Variants in GIGYF1 observed in about 807,000 individuals in gnomAD.
GIGYF1 encodes the protein GRB10 interacting GYF protein 1.
GIGYF1 carries 84 observed loss-of-function variants against 147.1 expected under a neutral mutation model. That is an observed-to-expected ratio of 0.57 (90% CI 0.48 to 0.68). GIGYF1 has a LOEUF of 0.68. Ranked by LOEUF, GIGYF1 falls within the 30% of genes least tolerant of loss-of-function variation. The probability of loss-of-function intolerance (pLI) is 0.00; values close to 1 mark genes in which losing one functional copy is unlikely to be tolerated. For missense variants in GIGYF1, 1,485 were observed against 1,393.7 expected, an observed-to-expected ratio of 1.07 and a Z score of -1.04; for synonymous variants, 752 against 589.5, an observed-to-expected ratio of 1.28 and a Z score of -3.99.
At position 100,683,348 on chromosome 7, in the gene GIGYF1, GCTC is replaced by G. The variant is rs1243143060; in HGVS notation, c.2146_2148del (p.Glu716del). The G allele has an allele frequency of 6.2e-7, 1 of 1,613,634 alleles. No individual in the cohort carries two copies. The highest frequency in any genetic ancestry group is 1.3e-5 in the African/African-American group (1 of 74,950). On this transcript the variant is annotated inframe_deletion, in exon 21 of 27. Transcript: ENST00000678049. Reference sequence around the variant, plus strand: ...TCTTCCTCCTCCTGCCGCCGCTTCTGCTCCTCCTGCTGCTGCTGGCGGCGCTTC... The same window carrying G: ...TCTTCCTCCTCCTGCCGCCGCTTCTGCTCCTGCTGCTGCTGGCGGCGCTTC...
rs151019762 is a variant in GIGYF1, at chr7:100,688,088, C to T, written c.58G>A (p.Gly20Ser). Residue 20 changes from glycine (G) to serine (S), a missense_variant, in exon 5 of 27, where the codon GGC becomes AGC. Physicochemically the swap from Gly to Ser is moderately conservative, Grantham distance 56. Coordinates refer to ENST00000678049, the MANE Select transcript of GIGYF1 (RefSeq NM_001375765.1). Reference protein sequence around the residue: ...PEWLRALSGGGSVASPPPSPA... With the variant: ...PEWLRALSGGSSVASPPPSPA... ...GACGGGGGTGGGGAGGCCACGCTGCCGCCCCCGGACAGGGCCCTGAGCCTG... is the reference window on the plus strand; with the variant it reads ...GACGGGGGTGGGGAGGCCACGCTGCTGCCCCCGGACAGGGCCCTGAGCCTG... 2.7e-4 allele frequency: 427 copies of T among 1,609,056 alleles called. No individual in the cohort carries two copies. Among genetic ancestry groups the T allele is most frequent in the Non-Finnish European group, 3.3e-4 (391 of 1,177,522 alleles).
chr7:100,689,757 AGTGGTG>A (rs1805678001), intron 1 of GIGYF1, among the ~76,000 whole-genome samples: 1 of 152,178 alleles, frequency 6.6e-6, no homozygotes, highest in Non-Finnish European at 1.5e-5. Flanking sequence ...TGGATGCTCC[AGTGGTG>A]GTGTGTTCCA....
chr7:100,688,117 A>G lies in GIGYF1; in HGVS notation c.36-7T>C, dbSNP rs1584506449. On this transcript the variant is annotated splice_region_variant and splice_polypyrimidine_tract_variant and intron_variant, in intron 4 of 26. Transcript: ENST00000678049. ...CCCGGACAGGGCCCTGAGCCTGGAC[A>G]CAACACAGAGAGAAGAAGACAGAGG... 3 of 1,606,678 alleles carry G rather than the reference A, an allele frequency of 1.9e-6. No homozygotes were observed. The highest frequency in any genetic ancestry group is 2.6e-6 in the Non-Finnish European group (3 of 1,175,410).
At chr7:100,684,975 G>A (rs1324457256) in intron 14 of GIGYF1, 74 bp downstream of exon 14, 10 of 1,547,010 alleles carry the variant, frequency 6.5e-6, no homozygotes, top group Admixed American at 3.8e-5. Context: ...AGCTTGAGCT[G>A]GGGCCGGGGC....
At chr7:100,692,544 C>T (rs1414888645) in intron 1 of GIGYF1, among the ~76,000 whole-genome samples, 2 of 152,234 alleles carry the variant, frequency 1.3e-5, no homozygotes, top group Non-Finnish European at 2.9e-5. Context: ...TTCATCTAGC[C>T]TCCTCCTCTC....
chr7:100,682,012 G>A lies in GIGYF1; in HGVS notation c.2926-19C>T, dbSNP rs199822506. The A allele has an allele frequency of 1.7e-5, 28 of 1,609,742 alleles. No homozygotes were observed. Among genetic ancestry groups the A allele is most frequent in the Non-Finnish European group, 2.3e-5 (27 of 1,179,896 alleles). ...ATGCCTCCTAAGGCAGCGGAGAGGA[G>A]GGTGAAGGTCAGGAGGCACCAGGCA... is the stretch of plus-strand genomic sequence containing the variant. On this transcript the variant is annotated intron_variant, in intron 25 of 26. Transcript: ENST00000678049.
Position 100,682,723 on chromosome 7 carries a change from G to A in GIGYF1, c.2467C>T (p.Pro823Ser), listed in dbSNP as rs1295560749. 6.4e-7 allele frequency: 1 copy of A among 1,568,454 alleles called. No homozygotes were observed. The highest frequency in any genetic ancestry group is 8.6e-7 in the Non-Finnish European group (1 of 1,158,596). The change falls in exon 23 of 27, where the codon CCA (proline) becomes TCA (serine). Residue 823 changes from proline to serine, a missense_variant. Coordinates refer to ENST00000678049, the MANE Select transcript of GIGYF1 (RefSeq NM_001375765.1). ...CTCTTGTCTGGCCCGCCCCACAGTG[G>A]CCCAGCCTCAGACACCCACTGGTTC... ...PLNQWVSEAGPLWGGPDKSGG... is the reference protein window; with the variant it reads ...PLNQWVSEAGSLWGGPDKSGG...
At position 100,683,915 on chromosome 7, in the gene GIGYF1, G is replaced by A. The variant is rs1210063956; in HGVS notation, c.1872C>T (p.Gly624=). The change falls in exon 19 of 27, where the codon GGC becomes GGT. Residue 624 remains glycine, a synonymous_variant. Transcript: ENST00000678049. ...TCGTCGGGAGCAGGTTCTGGTCCCC[G>A]CCTCTGAGGAGCAAATTGTGGATTC... ...QQLQALKPPR[G]GDQNLLPTMS... 5.1e-6 allele frequency: 8 copies of A among 1,555,694 alleles called. No homozygotes were observed. The highest frequency in any genetic ancestry group is 1.2e-5 in the South Asian group (1 of 84,732).
intron 10 of GIGYF1, 29 bp from the exon 11 acceptor site, chr7:100,686,462 A>G: frequency 6.4e-7 from 1 of 1,557,756 alleles, no homozygotes; most frequent in Non-Finnish European, 8.7e-7. Context: ...GGAGAAGAAG[A>G]GTGGGTACCC....
rs1002503199 is a variant in GIGYF1 at position 100,685,266 on chromosome 7, T to C, written c.1192+78A>G. ...GGCTCCTCAATGTGAATGCCCTGTG[T>C]GCCCACCCCCACGAGTGGGGAGCAC... On this transcript the variant is annotated intron_variant, in intron 13 of 26. Coordinates refer to ENST00000678049, the MANE Select transcript of GIGYF1 (RefSeq NM_001375765.1). 3.3e-6 allele frequency: 5 copies of C among 1,535,974 alleles called. No individual in the cohort carries two copies. In the African/African-American group the frequency reaches 4.1e-5, roughly 13 times the overall value.
At chr7:100,682,274 G>GT (rs1159473416) in intron 24 of GIGYF1, 39 bp from the exon 25 acceptor site, 1 of 1,608,112 alleles carries the variant, frequency 6.2e-7, no homozygotes, top group African/African-American at 1.3e-5. Context: ...CCCCTGGCCG[G>GT]GTCTGGAGAC....
Position 100,685,110 on chromosome 7 carries a change from C to A in GIGYF1, c.1229G>T (p.Gly410Val), listed in dbSNP as rs763592187. 58 of 1,583,344 alleles carry A rather than the reference C, an allele frequency of 3.7e-5. No individual in the cohort carries two copies. Among genetic ancestry groups the A allele is most frequent in the Non-Finnish European group, 4.7e-5 (55 of 1,163,802 alleles). ...IRGIQLSPGV[G>V]SSAGPPGDLE... ...ATCTCCGGGTGGGCCAGCAGAGGAG[C>A]CCACCCCGGGACTCAGCTGGATCCC... The change falls in exon 14 of 27, where the codon GGC (glycine) becomes GTC (valine). Residue 410 changes from glycine (G) to valine (V), a missense_variant. Gly to Val is a moderately radical substitution (Grantham distance 109). Transcript: ENST00000678049.
rs1447663605 is a variant in GIGYF1 at position 100,679,943 on chromosome 7, TCA to T, written c.*1774_*1775del. 2.0e-5 allele frequency: 3 copies of T among 152,180 alleles called. No individual in the cohort carries two copies. The highest frequency in any genetic ancestry group is 4.4e-5 in the Non-Finnish European group (3 of 67,924). The allele number at this position is 152,180 out of a possible 1,614,324, so 9.4% of individuals were successfully genotyped here. A position where few individuals can be genotyped will look rare whatever the true frequency, so the allele number is the denominator to read the frequency against. ...TGCGGCAGGGGTGGGGGGGTTACAT[TCA>T]GTCACAACAGGAGTCTCCCCCACAC... On this transcript the variant is annotated 3_prime_UTR_variant, in exon 27 of 27. Transcript: ENST00000678049.
chr7:100,688,554 G>A (rs905317717), intron 2 of GIGYF1, 38 bp downstream of exon 2: 5 of 599,768 alleles, frequency 8.3e-6, no homozygotes, highest in Admixed American at 6.4e-5. Flanking sequence ...GAGTCCTTTC[G>A]GCCTCAGCAG....
chr7:100,688,635 G>C lies in GIGYF1; in HGVS notation c.-178C>G. The C allele has an allele frequency of 2.2e-6, 1 of 451,540 alleles. No homozygotes were observed. Among genetic ancestry groups the C allele is most frequent in the Non-Finnish European group, 4.3e-6 (1 of 229,920 alleles). 28.0% of individuals were successfully genotyped at this position (451,540 alleles called of 1,614,324 possible). The stretch of plus-strand genomic sequence containing the variant: ...AAGAAGGAGGGCAGGGGCTGGTGCT[G>C]GAGTGAACGAGGGTACCCAAGCCAC... On this transcript the variant is annotated 5_prime_UTR_variant, in exon 2 of 27. Transcript: ENST00000678049.
At chr7:100,693,693 G>A (rs1806007777) in intron 1 of GIGYF1, among the ~76,000 whole-genome samples, 2 of 152,014 alleles carry the variant, frequency 1.3e-5, no homozygotes, top group Non-Finnish European at 2.9e-5. Context: ...GCCCCCAGGC[G>A]GCCCAGGGCA....
intron 13 of GIGYF1, 72 bp downstream of exon 13, chr7:100,685,272 C>G: frequency 6.5e-7 from 1 of 1,531,486 alleles, no homozygotes; most frequent in Non-Finnish European, 8.8e-7. Context: ...TGTGTGCCCA[C>G]CCCCACGAGT....
chr7:100,684,014 A>G lies in GIGYF1; in HGVS notation c.1868+6T>C. 1 of 1,468,424 alleles carries G rather than the reference A, an allele frequency of 6.8e-7. No homozygotes were observed. Among genetic ancestry groups the G allele is most frequent in the Non-Finnish European group, 9.1e-7 (1 of 1,096,568 alleles). The allele number at this position is 1,468,424 out of a possible 1,614,324, so 91.0% of individuals were successfully genotyped here. ...TGTATCCTGAGGGCTCGCACGCACC[A>G]CGCACCTGGGGGGTTTGAGCGCCTG... On this transcript the variant is annotated splice_donor_region_variant and intron_variant, in intron 18 of 26. Transcript: ENST00000678049.
chr7:100,686,327 C>G lies in GIGYF1; in HGVS notation c.801G>C (p.Arg267=). 3.1e-6 allele frequency: 5 copies of G among 1,613,786 alleles called. No individual in the cohort carries two copies. Among genetic ancestry groups the G allele is most frequent in the Non-Finnish European group, 4.2e-6 (5 of 1,179,888 alleles). Residue 267 remains arginine, a synonymous_variant, in exon 11 of 27, where the codon CGG becomes CGC. Transcript: ENST00000678049. ...DRGGCGEEEG[R]GGGGSSHLRR... The stretch of plus-strand genomic sequence containing the variant: ...GCAGGTGAGAGCTGCCTCCCCCTCC[C>G]CGCCCCTCCTCTTCACCACACCCTC...
Sources: allele counts gnomAD v4.1 joint callset (sites outside exome capture counted in the v4.1 genomes callset), GRCh38; gene constraint gnomAD v4.1.1; transcripts MANE v1.5; gene names NCBI Gene and HGNC (gene_info 2026-07-23, HGNC 2026-07-21).